NCAM2: variants seen among roughly 807,000 people sequenced by gnomAD.
NCAM2 encodes neural cell adhesion molecule 2, also known as N-CAM-2.
Under a neutral mutation model 98.1 loss-of-function variants are expected in NCAM2, and 30 were observed. That is an observed-to-expected ratio of 0.31 (90% confidence interval 0.23 to 0.41). The LOEUF (loss-of-function observed/expected upper bound fraction) is 0.41. NCAM2 is among the 10% of genes least tolerant of loss of function. The pLI is 1.00. For synonymous variants in NCAM2, 368 were observed against 342.4 expected (o/e 1.07, Z -0.83); for missense variants, 867 against 1,005.8 (o/e 0.86, Z 1.87).
chr21:21,022,219 A>G (rs976780627), intron 1 of NCAM2, among the ~76,000 whole-genome samples: 3 of 152,094 alleles, frequency 2.0e-5, no homozygotes, highest in African/African-American at 7.2e-5. Flanking sequence ...AAAAAAATAC[A>G]TACTTAAAAA....
chr21:21,099,139 G>T (rs1165220782), intron 1 of NCAM2, among the ~76,000 whole-genome samples: 1 of 150,750 alleles, frequency 6.6e-6, no homozygotes, highest in Non-Finnish European at 1.5e-5. Context: ...GAAACAAAAT[G>T]AATGAGTCAG....
At chr21:21,452,693 TC>T (rs1981363160) in intron 12 of NCAM2, among the ~76,000 whole-genome samples, 1 of 111,926 alleles carries the variant, frequency 8.9e-6, no homozygotes, top group African/African-American at 3.6e-5. Flanking sequence ...TATTTATATA[TC>T]ATTTTAAAAA....
intron 15 of NCAM2, among the ~76,000 whole-genome samples, chr21:21,480,256 A>C (rs1010410523): frequency 1.7e-4 from 26 of 151,104 alleles, no homozygotes; most frequent in Non-Finnish European, 3.5e-4. Context: ...TGTCCCAGCT[A>C]CTCGGGAGGC....
intron 5 of NCAM2, among the ~76,000 whole-genome samples, chr21:21,315,389 A>C (rs146667800): frequency 1.3e-5 from 2 of 152,224 alleles, no homozygotes; most frequent in East Asian, 3.9e-4. Context: ...CCTATTTCTT[A>C]GGTCACCACT....
At position 21,410,455 on chromosome 21, in the gene NCAM2, A is replaced by G. The variant is rs776189571; in HGVS notation, c.1377A>G (p.Ile459Met). 2.1e-5 allele frequency: 32 copies of G among 1,542,072 alleles called. No homozygotes were observed. Among genetic ancestry groups the G allele is most frequent in the Non-Finnish European group, 2.8e-5 (32 of 1,143,436 alleles). ...CTTATAGTACAGGAAGAAAGATGAT[A>G]TTAGAGGTAAGTCCACATGTATACA... ...LKTYSTGRKMILEIAPTSDND... is the reference protein window; with the variant it reads ...LKTYSTGRKMMLEIAPTSDND... Residue 459 changes from isoleucine (I) to methionine (M), a missense_variant, in exon 10 of 18, where the codon ATA becomes ATG. Transcript: ENST00000400546.
At chr21:21,224,967 G>T (rs1248091770) in intron 1 of NCAM2, among the ~76,000 whole-genome samples, 2 of 152,106 alleles carry the variant, frequency 1.3e-5, no homozygotes, top group Admixed American at 6.6e-5. Context: ...TACAGTTTTT[G>T]CAGAGGACTT....
intron 1 of NCAM2, among the ~76,000 whole-genome samples, chr21:21,250,415 A>G (rs866842503): frequency 6.6e-6 from 1 of 152,198 alleles, no homozygotes; most frequent in Admixed American, 6.5e-5. Flanking sequence ...TGTATTTACA[A>G]AGTTTGCATT....
intron 5 of NCAM2, among the ~76,000 whole-genome samples, chr21:21,311,052 G>T (rs1365316540): frequency 7.2e-5 from 11 of 152,132 alleles, no homozygotes; most frequent in Admixed American, 7.2e-4. Flanking sequence ...TTTACAAAAG[G>T]TTCTAGAAAT....
At chr21:21,291,220 G>A (rs1284050226) in intron 4 of NCAM2, among the ~76,000 whole-genome samples, 2 of 151,846 alleles carry the variant, frequency 1.3e-5, no homozygotes, top group African/African-American at 4.8e-5. Context: ...CTATGGATGT[G>A]TTAATTAAGG....
At chr21:21,067,530 G>A (rs989125485) in intron 1 of NCAM2, among the ~76,000 whole-genome samples, 2 of 152,076 alleles carry the variant, frequency 1.3e-5, no homozygotes, top group African/African-American at 4.8e-5. Flanking sequence ...AATATGTATT[G>A]AAAACTTTGG....
chr21:21,049,013 A>ATTT (rs61325994), intron 1 of NCAM2, among the ~76,000 whole-genome samples: 26,728 of 133,404 alleles, frequency 0.2, 3,641 homozygotes, highest in Non-Finnish European at 0.27. Context: ...TTTACTATTA[A>ATTT]TTTTTTTTTT....
At chr21:21,019,743 G>A (rs960736981) in intron 1 of NCAM2, among the ~76,000 whole-genome samples, 1 of 152,128 alleles carries the variant, frequency 6.6e-6, no homozygotes, top group Non-Finnish European at 1.5e-5. Flanking sequence ...TCTTGAGGTA[G>A]TTATTAGCTT....
At chr21:21,153,634 A>G (rs1228716413) in intron 1 of NCAM2, among the ~76,000 whole-genome samples, 2 of 151,946 alleles carry the variant, frequency 1.3e-5, no homozygotes, top group Non-Finnish European at 2.9e-5. Flanking sequence ...AGGGAGCCAC[A>G]TTTTAGTCAT....
chr21:21,167,973 C>G (rs966042764), intron 1 of NCAM2, among the ~76,000 whole-genome samples: 1 of 151,880 alleles, frequency 6.6e-6, no homozygotes, highest in Non-Finnish European at 1.5e-5. Flanking sequence ...CAGCATTACC[C>G]TAATACTAAA....
intron 17 of NCAM2, among the ~76,000 whole-genome samples, chr21:21,535,424 T>G (rs1989931204): frequency 6.6e-6 from 1 of 152,134 alleles, no homozygotes; most frequent in African/African-American, 2.4e-5. Flanking sequence ...CAAATATTTA[T>G]TTTTGTAACA....
intron 9 of NCAM2, among the ~76,000 whole-genome samples, chr21:21,383,201 T>G (rs2076196496): frequency 6.6e-6 from 1 of 152,160 alleles, no homozygotes; most frequent in Admixed American, 6.6e-5. Flanking sequence ...TTTCAAGGAG[T>G]TAATCACCTC....
intron 1 of NCAM2, chr21:21,226,618 A>G (rs1008267397): frequency 4.6e-5 from 7 of 152,134 alleles, no homozygotes; most frequent in African/African-American, 1.2e-4. Flanking sequence ...AAGAAAGCCA[A>G]CTGCCCTGAT....
intron 6 of NCAM2, among the ~76,000 whole-genome samples, chr21:21,330,542 A>G (rs986921466): frequency 1.3e-5 from 2 of 152,006 alleles, no homozygotes; most frequent in African/African-American, 4.8e-5. Context: ...CTTAAATTAA[A>G]GTATGTGTAT....
intron 8 of NCAM2, among the ~76,000 whole-genome samples, chr21:21,348,907 C>T (rs1445533484): frequency 1.3e-5 from 2 of 152,140 alleles, no homozygotes; most frequent in Non-Finnish European, 2.9e-5. Context: ...AACTTGACCC[C>T]TGTCTCTCAC....
Sources: gnomAD v4.1 joint callset for allele counts (sites outside exome capture counted in the v4.1 genomes callset) on GRCh38, gnomAD v4.1.1 for gene constraint, MANE v1.5 for transcripts, NCBI Gene and HGNC (gene_info 2026-07-23, HGNC 2026-07-21) for gene names.